The following RAPGEF6 variants were observed in gnomAD, a reference collection of about 807,000 sequenced individuals.
RAPGEF6 encodes PDZ domain containing guanine nucleotide exchange factor (GEF) 2.
In RAPGEF6, 56 loss-of-function variants were observed where a neutral mutation model predicts 171.4. The ratio of observed to expected loss-of-function variants is 0.33; its 90% CI spans 0.26 to 0.41. RAPGEF6 has a LOEUF of 0.41. Among genes scored for constraint, RAPGEF6 ranks in the 10% least tolerant of loss-of-function variants. The probability of loss-of-function intolerance (pLI) is 1.00; values close to 1 mark genes in which losing one functional copy is unlikely to be tolerated. For synonymous variants in RAPGEF6, 692 were observed against 650.1 expected (o/e 1.06, Z -0.98); for missense variants, 1,674 against 1,921.4 (o/e 0.87, Z 2.41).
Position 131,431,007 on chromosome 5 carries a change from C to A in RAPGEF6, c.4317G>T (p.Leu1439=). The change falls in exon 26 of 28, where the codon CTG becomes CTT. Residue 1439 remains leucine, a synonymous_variant. Coordinates refer to ENST00000509018, the MANE Select transcript of RAPGEF6 (RefSeq NM_016340.6). ...CATAGTTTGGTTCATACGTGTCAGA[C>A]AGAGAACTGGAGGAGGTCCAACTCT... The part of the protein sequence containing the change: ...ERKSWTSSSS[L]SDTYEPNYGT... 1.2e-6 allele frequency: 2 copies of A among 1,614,200 alleles called. No homozygotes were observed. Among genetic ancestry groups the A allele is most frequent in the Non-Finnish European group, 1.7e-6 (2 of 1,180,034 alleles).
rs1561538452 is a variant in RAPGEF6 at position 131,528,332 on chromosome 5, TATATATACACAC to T, written c.496-6823_496-6812del. Among the ~76,000 whole-genome samples the T allele has an allele frequency of 8.8e-5, 9 of 101,904 alleles. 2 individuals are homozygous for T. Among genetic ancestry groups the T allele is most frequent in the African/African-American group, 3.4e-4 (7 of 20,486 alleles). The allele number at this position is 101,904 out of a possible 152,430, so 66.9% of individuals were successfully genotyped here. ...TTTATATTATATATATATATATATA[TATATATACACAC>T]ACACACACATATATATATATGGCAG... On this transcript the variant is annotated intron_variant, in intron 6 of 27. Coordinates refer to ENST00000509018, the MANE Select transcript of RAPGEF6 (RefSeq NM_016340.6).
intron 7 of RAPGEF6, among the ~76,000 whole-genome samples, chr5:131,513,236 T>C (rs958593655): frequency 1.3e-4 from 20 of 152,216 alleles, no homozygotes; most frequent in African/African-American, 4.3e-4. Context: ...CTTATTTATA[T>C]ACACTGATTT....
At chr5:131,592,583 T>G (rs1763657307) in intron 3 of RAPGEF6, 117 bp from the exon 4 acceptor site, 6 of 1,444,130 alleles carry the variant, frequency 4.2e-6, no homozygotes, top group Non-Finnish European at 5.5e-6. Flanking sequence ...GAAGTAACAC[T>G]ACCTGGAAAT....
At chr5:131,499,452 G>C (rs976497491) in intron 11 of RAPGEF6, among the ~76,000 whole-genome samples, 1 of 151,726 alleles carries the variant, frequency 6.6e-6, no homozygotes, top group African/African-American at 2.4e-5. Context: ...GTGGTGGCCG[G>C]CGCCTATAAT....
At chr5:131,622,210 T>C (rs912000626) in intron 1 of RAPGEF6, among the ~76,000 whole-genome samples, 1 of 152,198 alleles carries the variant, frequency 6.6e-6, no homozygotes, top group African/African-American at 2.4e-5. Flanking sequence ...GATGGTAACC[T>C]ATTTTAGTTT....
At chr5:131,627,205 C>T (rs942844607) in intron 1 of RAPGEF6, among the ~76,000 whole-genome samples, 1 of 152,116 alleles carries the variant, frequency 6.6e-6, no homozygotes, top group Non-Finnish European at 1.5e-5. Context: ...AATGATGGCT[C>T]AATTTAGGAC....
chr5:131,578,806 G>A (rs1418092455), intron 4 of RAPGEF6, among the ~76,000 whole-genome samples: 2 of 152,078 alleles, frequency 1.3e-5, no homozygotes, highest in African/African-American at 2.4e-5. Context: ...AAAAACATTA[G>A]CAGTCACTAT....
chr5:131,535,757 C>G (rs1023262585), intron 6 of RAPGEF6, among the ~76,000 whole-genome samples: 1 of 151,988 alleles, frequency 6.6e-6, no homozygotes, highest in Non-Finnish European at 1.5e-5. Flanking sequence ...AACAAAAATA[C>G]AAACTGAAAT....
chr5:131,431,174 T>A lies in RAPGEF6; in HGVS notation c.4150A>T (p.Ser1384Cys). The A allele has an allele frequency of 6.2e-7, 1 of 1,614,200 alleles. No homozygotes were observed. Among genetic ancestry groups the A allele is most frequent in the South Asian group, 1.1e-5 (1 of 91,088 alleles). ...CTGTAAGAGTTCAAAAAATCCCAGC[T>A]TTTTGGGTTTGGAAGGCTTTGGAAG... ...DNFQSLPNPK[S>C]WDFLNSYRHT... is the part of the protein sequence containing the mutation. Residue 1384 changes from serine (S) to cysteine (C), a missense_variant, in exon 26 of 28, where the codon AGC becomes TGC. Ser to Cys is a moderately radical substitution (Grantham distance 112). This residue lies in a region of RAPGEF6 where 552 missense variants were observed against 574.2 expected (regional missense o/e 0.96). Coordinates refer to ENST00000509018, the MANE Select transcript of RAPGEF6 (RefSeq NM_016340.6).
chr5:131,444,108 T>C (rs1752544879), intron 22 of RAPGEF6, among the ~76,000 whole-genome samples: 1 of 152,230 alleles, frequency 6.6e-6, no homozygotes, highest in Non-Finnish European at 1.5e-5. Flanking sequence ...ATGAAGTATT[T>C]GTTTTAAACA....
chr5:131,579,874 G>C (rs976360065), intron 4 of RAPGEF6, among the ~76,000 whole-genome samples: 1 of 151,924 alleles, frequency 6.6e-6, no homozygotes, highest in Non-Finnish European at 1.5e-5. Flanking sequence ...TACAATCCCT[G>C]AGCTAGACAC....
chr5:131,559,665 A>G (rs535871760), intron 5 of RAPGEF6, among the ~76,000 whole-genome samples: 3 of 66,336 alleles, frequency 4.5e-5, no homozygotes, highest in South Asian at 4.7e-4. Flanking sequence ...TACAAAAACA[A>G]TAACAACAAC....
chr5:131,478,063 A>G (rs1755231117), intron 16 of RAPGEF6, among the ~76,000 whole-genome samples: 1 of 152,252 alleles, frequency 6.6e-6, no homozygotes, highest in East Asian at 1.9e-4. Flanking sequence ...TTGGTATTTT[A>G]AAGTAATGAT....
At chr5:131,436,418 T>C (rs757452613) in intron 24 of RAPGEF6, 10 of 1,487,564 alleles carry the variant, frequency 6.7e-6, no homozygotes, top group East Asian at 2.5e-5. Context: ...ACATGGTCAA[T>C]CACAATTAGC....
chr5:131,534,918 G>A (rs572393644), intron 6 of RAPGEF6, among the ~76,000 whole-genome samples: 6 of 152,058 alleles, frequency 3.9e-5, no homozygotes, highest in Non-Finnish European at 8.8e-5. Context: ...AAATTTTAAT[G>A]CACACCTTTC....
At chr5:131,617,626 C>T (rs1056620366) in intron 1 of RAPGEF6, among the ~76,000 whole-genome samples, 2 of 152,108 alleles carry the variant, frequency 1.3e-5, no homozygotes, top group African/African-American at 4.8e-5. Flanking sequence ...TTAGCAGTGG[C>T]TCACGCCTGT....
intron 7 of RAPGEF6, among the ~76,000 whole-genome samples, chr5:131,513,259 G>A (rs1282615297): frequency 1.3e-5 from 2 of 152,196 alleles, no homozygotes; most frequent in East Asian, 3.9e-4. Flanking sequence ...TCTAAGAAAC[G>A]ACTGGGAAAA....
rs746981491 is a variant in RAPGEF6, at chr5:131,498,490, C to A, written c.1372G>T (p.Gly458Trp). Residue 458 changes from glycine to tryptophan, a missense_variant, in exon 12 of 28, where the codon GGG becomes TGG. Physicochemically the swap from Gly to Trp is radical, Grantham distance 184 (BLOSUM62 -2). Transcript: ENST00000509018. ...RTFLESPLDV[G>W]IKLLEWFKID... ...TTAAACCATTCCAATAGTTTGATCC[C>A]AACATCCAAAGGACTTTCAAGAAAT... is the stretch of plus-strand genomic sequence containing the variant. 6.2e-7 allele frequency: 1 copy of A among 1,613,562 alleles called. No individual in the cohort carries two copies. Among genetic ancestry groups the A allele is most frequent in the Non-Finnish European group, 8.5e-7 (1 of 1,179,890 alleles).
intron 14 of RAPGEF6, among the ~76,000 whole-genome samples, chr5:131,489,856 CTT>C (rs991549675): frequency 6.8e-6 from 1 of 146,068 alleles, no homozygotes; most frequent in Admixed American, 6.8e-5. Context: ...TTACTATAAA[CTT>C]TTTTTTTTTT....
Sources: allele counts gnomAD v4.1 joint callset (sites outside exome capture counted in the v4.1 genomes callset), GRCh38; gene constraint gnomAD v4.1.1; regional missense constraint gnomAD v4.1.1; transcripts MANE v1.5; gene names NCBI Gene and HGNC (gene_info 2026-07-23, HGNC 2026-07-21).